Variants in FAM219A observed in about 807,000 individuals in gnomAD.
FAM219A encodes the protein protein FAM219A.
A neutral mutation model predicts 23.4 loss-of-function variants in FAM219A; 7 were observed. That is an observed-to-expected ratio of 0.30 (90% CI 0.17 to 0.56). FAM219A has a LOEUF of 0.56. Among genes scored for constraint, FAM219A ranks in the 20% least tolerant of loss-of-function variants. The pLI, the probability that FAM219A is intolerant of heterozygous loss-of-function variation, is 0.92. For synonymous variants in FAM219A, 93 were observed against 99.0 expected (o/e 0.94, Z 0.36); for missense variants, 166 against 246.9 (o/e 0.67, Z 2.20).
intron 1 of FAM219A, among the ~76,000 whole-genome samples, chr9:34,431,984 ATCTGTGTGATCTGGGTAAGTT>A (rs1357420384): frequency 5.9e-5 from 9 of 152,194 alleles, no homozygotes; most frequent in Non-Finnish European, 1.3e-4. Flanking sequence ...CCATTTATTT[ATCTGTGTGATCTGGGTAAGTT>A]TCTAATCTCT....
intron 1 of FAM219A, among the ~76,000 whole-genome samples, chr9:34,410,653 C>T (rs1421761296): frequency 6.6e-6 from 1 of 152,202 alleles, no homozygotes; most frequent in East Asian, 1.9e-4. Flanking sequence ...GGGCAACAGA[C>T]ATATGGCTTG....
chr9:34,428,693 T>C (rs767647975), intron 1 of FAM219A, among the ~76,000 whole-genome samples: 7 of 152,264 alleles, frequency 4.6e-5, no homozygotes, highest in Non-Finnish European at 8.8e-5. Context: ...TGGGCACCTT[T>C]GCCCCTGAGA....
intron 1 of FAM219A, among the ~76,000 whole-genome samples, chr9:34,410,809 C>T (rs539202785): frequency 6.6e-6 from 1 of 152,326 alleles, no homozygotes; most frequent in Admixed American, 6.5e-5. Context: ...TGCCTAGGTT[C>T]AAATTCCAGC....
intron 1 of FAM219A, among the ~76,000 whole-genome samples, chr9:34,415,224 G>A (rs72733187): frequency 0.13 from 19,030 of 152,104 alleles, 1,564 homozygotes; most frequent in Non-Finnish European, 0.18. Context: ...TGCATTTTGG[G>A]GTATGGTCAA....
At chr9:34,401,170 C>T in intron 5 of FAM219A, 48 bp from the exon 6 acceptor site, 1 of 1,598,118 alleles carries the variant, frequency 6.3e-7, no homozygotes, top group Non-Finnish European at 8.5e-7. Context: ...AGGGAGGCAC[C>T]ACCCACAGCT....
intron 1 of FAM219A, among the ~76,000 whole-genome samples, chr9:34,450,443 G>A (rs529918783): frequency 4.7e-5 from 7 of 150,516 alleles, no homozygotes; most frequent in African/African-American, 9.8e-5. Flanking sequence ...TTTTTGAGAC[G>A]GAGTCTTGCT....
At chr9:34,424,981 GT>G (rs1171388042) in intron 1 of FAM219A, among the ~76,000 whole-genome samples, 1 of 151,896 alleles carries the variant, frequency 6.6e-6, no homozygotes, top group East Asian at 2.0e-4. Context: ...ATTTTTTGTA[GT>G]TTTGGTAGAG....
At chr9:34,452,732 G>C (rs1259158036) in intron 1 of FAM219A, among the ~76,000 whole-genome samples, 1 of 151,998 alleles carries the variant, frequency 6.6e-6, no homozygotes, top group Non-Finnish European at 1.5e-5. Flanking sequence ...CTTCTTCCAT[G>C]CCCTTTCTTG....
chr9:34,458,004 A>G lies in FAM219A; in HGVS notation c.60+200T>C, dbSNP rs1823816993. ...CACCGACGGTGCCCTCCGCCCTTAC[A>G]GGTCCCTTTGCTCTCATCCAGCATA... On this transcript the variant is annotated intron_variant, in intron 1 of 5. Coordinates refer to ENST00000651358, the MANE Select transcript of FAM219A (RefSeq NM_001184940.2). The surrounding 1 kb of genome is among the most constrained non-coding windows in gnomAD (Gnocchi z 6.6). 6.6e-6 allele frequency among the ~76,000 whole-genome samples: 1 copy of G among 152,006 alleles called. No individual in the cohort carries two copies. The highest frequency in any genetic ancestry group is 1.5e-5 in the Non-Finnish European group (1 of 67,992).
At chr9:34,434,264 C>T (rs935358747) in intron 1 of FAM219A, among the ~76,000 whole-genome samples, 1 of 151,036 alleles carries the variant, frequency 6.6e-6, no homozygotes, top group African/African-American at 2.4e-5. Flanking sequence ...CAGTATCTCT[C>T]CAATCTTCCT....
At chr9:34,438,332 C>T (rs886504787) in intron 1 of FAM219A, among the ~76,000 whole-genome samples, 4 of 152,234 alleles carry the variant, frequency 2.6e-5, no homozygotes, top group East Asian at 1.9e-4. Context: ...GGAGTGCGGG[C>T]GCATGGCACC....
intron 1 of FAM219A, among the ~76,000 whole-genome samples, chr9:34,438,257 G>A (rs1489787199): frequency 1.3e-5 from 2 of 152,204 alleles, no homozygotes; most frequent in African/African-American, 2.4e-5. Context: ...TGAGGCCTGT[G>A]CCTCCCCAAT....
intron 1 of FAM219A, among the ~76,000 whole-genome samples, chr9:34,452,944 A>G (rs1179340294): frequency 6.6e-6 from 1 of 152,144 alleles, no homozygotes; most frequent in Non-Finnish European, 1.5e-5. Context: ...ATCTCCCTGG[A>G]GCAAAATTCT....
In FAM219A at chr9:34,399,623, G is replaced by A. The variant is rs1476363053; in HGVS notation, c.*1341C>T. ...ACCTTTAGGTATACTGAGACACACAGAGATTGCCCCCTCCCCACCACAGAA... is the reference window on the plus strand; with the variant it reads ...ACCTTTAGGTATACTGAGACACACAAAGATTGCCCCCTCCCCACCACAGAA... On this transcript the variant is annotated 3_prime_UTR_variant, in exon 6 of 6. Coordinates refer to ENST00000651358, the MANE Select transcript of FAM219A (RefSeq NM_001184940.2). 6.6e-6 allele frequency: 1 copy of A among 152,066 alleles called. No homozygotes were observed. Among genetic ancestry groups the A allele is most frequent in the Non-Finnish European group, 1.5e-5 (1 of 68,018 alleles). 9.4% of individuals were successfully genotyped at this position (152,066 alleles called of 1,614,324 possible).
At chr9:34,445,477 A>G (rs891595881) in intron 1 of FAM219A, among the ~76,000 whole-genome samples, 1 of 152,218 alleles carries the variant, frequency 6.6e-6, no homozygotes, top group Non-Finnish European at 1.5e-5. Context: ...ATCTCTGAAG[A>G]ATGTGTATGA....
At chr9:34,429,473 G>A (rs924928058) in intron 1 of FAM219A, among the ~76,000 whole-genome samples, 2 of 152,202 alleles carry the variant, frequency 1.3e-5, no homozygotes, top group African/African-American at 4.8e-5. Context: ...AGCCATGGAA[G>A]AGACCTGTAG....
At chr9:34,408,743 C>T (rs1401502498) in intron 1 of FAM219A, among the ~76,000 whole-genome samples, 1 of 152,196 alleles carries the variant, frequency 6.6e-6, no homozygotes, top group African/African-American at 2.4e-5. Flanking sequence ...CTGATGACTT[C>T]TAAATCTGTG....
At chr9:34,449,005 A>C (rs199897769) in intron 1 of FAM219A, among the ~76,000 whole-genome samples, 3,138 of 146,396 alleles carry the variant, frequency 0.021, 97 homozygotes, top group East Asian at 0.13. Flanking sequence ...AAAAAAAAAA[A>C]AAACCTCAGC....
intron 1 of FAM219A, among the ~76,000 whole-genome samples, chr9:34,407,412 C>G (rs940900273): frequency 2.6e-5 from 4 of 152,098 alleles, no homozygotes; most frequent in African/African-American, 9.7e-5. Flanking sequence ...GAAATTATAA[C>G]AAGTAGAGAA....
Sources: allele counts gnomAD v4.1 joint callset (sites outside exome capture counted in the v4.1 genomes callset), GRCh38; gene constraint gnomAD v4.1.1; non-coding constraint Gnocchi (gnomAD v3.1); transcripts MANE v1.5; gene names NCBI Gene and HGNC (gene_info 2026-07-23, HGNC 2026-07-21).